Variants in RANBP2 observed in about 807,000 individuals in gnomAD.
The protein encoded by RANBP2 is E3 SUMO-protein ligase RanBP2.
Under a neutral mutation model 303.6 loss-of-function variants are expected in RANBP2, and 57 were observed. That is an observed-to-expected ratio of 0.19 (90% CI 0.15 to 0.23). The LOEUF is 0.23. Ranked by LOEUF, RANBP2 falls within the 10% of genes least tolerant of loss-of-function variation. The probability of loss-of-function intolerance (pLI) is 1.00; values close to 1 mark genes in which losing one functional copy is unlikely to be tolerated. For missense variants in RANBP2, 3,138 were observed against 3,780.8 expected (o/e 0.83, Z 4.46); for synonymous variants, 1,167 against 1,301.5 (o/e 0.90, Z 2.23).
At chr2:109,440,427 G>A in the RANBP2 span, among the ~76,000 whole-genome samples, 29 of 152,320 alleles carry the variant, frequency 1.9e-4, no homozygotes, top group Admixed American at 1.8e-3. Context: ...TCTAGACCAC[G>A]TAAGGAATTT....
chr2:108,747,260 C>T lies in RANBP2; in HGVS notation c.1063+462C>T, dbSNP rs547703500. 3.9e-5 allele frequency among the ~76,000 whole-genome samples: 6 copies of T among 152,198 alleles called. No individual in the cohort carries two copies. The South Asian group carries it at 1.2e-3, about 32-fold the overall frequency. ...CTCTTGGAATTTGTGGATTTTTTCCCCCATTTTTGGCTTGGGATAAATCCT... is the reference window on the plus strand; with the variant it reads ...CTCTTGGAATTTGTGGATTTTTTCCTCCATTTTTGGCTTGGGATAAATCCT... On this transcript the variant is annotated intron_variant, in intron 8 of 28. Transcript: ENST00000283195.
At chr2:109,531,112 G>A in the RANBP2 span, among the ~76,000 whole-genome samples, 3 of 152,168 alleles carry the variant, frequency 2.0e-5, no homozygotes, top group Non-Finnish European at 4.4e-5. Context: ...CAGGAGAGCA[G>A]AGCACAGAGC....
chr2:108,824,171 T>A, the RANBP2 span, among the ~76,000 whole-genome samples: 300 of 7,154 alleles, frequency 0.042, no homozygotes, highest in African/African-American at 0.073. Flanking sequence ...GAAAAAAAAA[T>A]TTTTTCTTCA....
At chr2:109,050,011 G>A in the RANBP2 span, among the ~76,000 whole-genome samples, 3 of 152,116 alleles carry the variant, frequency 2.0e-5, no homozygotes, top group South Asian at 2.1e-4. Flanking sequence ...TGTGTTACAC[G>A]TTTGAGCAGT....
chr2:109,441,490 G>T, the RANBP2 span, among the ~76,000 whole-genome samples: 2 of 152,102 alleles, frequency 1.3e-5, no homozygotes, highest in Non-Finnish European at 2.9e-5. Flanking sequence ...AATAGAAGCC[G>T]TGGAAAGTGG....
the RANBP2 span, among the ~76,000 whole-genome samples, chr2:109,175,494 C>T: frequency 2.0e-5 from 3 of 152,214 alleles, no homozygotes; most frequent in Non-Finnish European, 4.4e-5. Flanking sequence ...TTCCTTTACT[C>T]AACAAGTATT....
the RANBP2 span, among the ~76,000 whole-genome samples, chr2:109,636,713 G>A: frequency 1.2e-4 from 19 of 152,212 alleles, no homozygotes; most frequent in Admixed American, 2.6e-4. Context: ...TGAGGTGGGC[G>A]GATCTCCAGA....
At chr2:109,210,959 G>A in the RANBP2 span, among the ~76,000 whole-genome samples, 1 of 152,198 alleles carries the variant, frequency 6.6e-6, no homozygotes, top group Non-Finnish European at 1.5e-5. Flanking sequence ...CAGTGGGCTG[G>A]GTTTGGGGAT....
chr2:108,978,612 T>G, the RANBP2 span, among the ~76,000 whole-genome samples: 1 of 152,178 alleles, frequency 6.6e-6, no homozygotes, highest in Non-Finnish European at 1.5e-5. Context: ...TAATAAATAA[T>G]TCATTTTAAC....
downstream of RANBP2, among the ~76,000 whole-genome samples, chr2:108,789,656 C>T (rs1679572808): frequency 6.6e-6 from 1 of 152,170 alleles, no homozygotes; most frequent in Admixed American, 6.5e-5. Flanking sequence ...CAGCATTTTA[C>T]TATCTCTGGT....
the RANBP2 span, among the ~76,000 whole-genome samples, chr2:109,079,345 T>C: frequency 6.6e-6 from 1 of 152,208 alleles, no homozygotes. Flanking sequence ...TTTGTATGAA[T>C]TGACTGTTTG....
chr2:108,773,149 C>T, intron 23 of RANBP2, 103 bp downstream of exon 23: 1 of 1,277,236 alleles, frequency 7.8e-7, no homozygotes, highest in Non-Finnish European at 1.1e-6. Flanking sequence ...CAGAATTTTA[C>T]TCTTGTTGCC....
At chr2:109,480,622 C>G in the RANBP2 span, among the ~76,000 whole-genome samples, 1 of 152,270 alleles carries the variant, frequency 6.6e-6, no homozygotes, top group East Asian at 1.9e-4. Flanking sequence ...CTCTGCTGCC[C>G]TGTGGGAGGA....
At chr2:109,706,978 G>A in the RANBP2 span, among the ~76,000 whole-genome samples, 2 of 152,198 alleles carry the variant, frequency 1.3e-5, no homozygotes, top group East Asian at 3.8e-4. Context: ...ACATTGAGTT[G>A]GAGAGGGAAG....
the RANBP2 span, chr2:108,910,562 AG>A: frequency 6.3e-7 from 1 of 1,588,116 alleles, no homozygotes; most frequent in Non-Finnish European, 8.6e-7. Flanking sequence ...TTGGGGAGAT[AG>A]GAGTTAGAAT....
At chr2:109,794,681 C>T in the RANBP2 span, 1 of 718,418 alleles carries the variant, frequency 1.4e-6, no homozygotes, top group African/African-American at 2.6e-5. Context: ...CTCCGTGGCG[C>T]GCTCTGTTGA....
At chr2:109,704,615 C>T in the RANBP2 span, among the ~76,000 whole-genome samples, 53 of 151,820 alleles carry the variant, frequency 3.5e-4, no homozygotes, top group East Asian at 8.8e-3. Context: ...TTTAGGAGGC[C>T]GAGGCAGGTG....
At chr2:109,447,327 G>T in the RANBP2 span, among the ~76,000 whole-genome samples, 1 of 152,070 alleles carries the variant, frequency 6.6e-6, no homozygotes, top group Non-Finnish European at 1.5e-5. Flanking sequence ...GTCAGAAGAA[G>T]GCCTGACTCC....
chr2:108,861,826 C>T, the RANBP2 span, among the ~76,000 whole-genome samples: 70 of 152,002 alleles, frequency 4.6e-4, 3 homozygotes, highest in African/African-American at 1.9e-4. Context: ...CGTGAGCCAC[C>T]GCGCCCAGCC....
Sources: gnomAD v4.1 joint callset for allele counts (sites outside exome capture counted in the v4.1 genomes callset) on GRCh38, gnomAD v4.1.1 for gene constraint, MANE v1.5 for transcripts, NCBI Gene and HGNC (gene_info 2026-07-23, HGNC 2026-07-21) for gene names.